Variants in RBMS3 observed in about 807,000 individuals in gnomAD.
RBMS3 encodes RNA binding motif single stranded interacting protein 3, also known as RNA-binding motif, single-stranded-interacting protein 3.
RBMS3 carries 27 observed loss-of-function variants against 66.8 expected under a neutral mutation model. The ratio of observed to expected loss-of-function variants is 0.40; its 90% CI spans 0.30 to 0.56. The LOEUF is 0.56. RBMS3 is among the 20% of genes least tolerant of loss of function. The pLI is 0.40. For missense variants in RBMS3, 513 were observed against 549.5 expected, an observed-to-expected ratio of 0.93 and a Z score of 0.66; for synonymous variants, 188 against 183.0, an observed-to-expected ratio of 1.03 and a Z score of -0.22.
intron 4 of RBMS3, among the ~76,000 whole-genome samples, chr3:29,601,616 G>C (rs911483226): frequency 1.3e-5 from 2 of 151,902 alleles, no homozygotes; most frequent in Non-Finnish European, 2.9e-5. Flanking sequence ...TAATCCTCGA[G>C]TATTAAAAAA....
intron 1 of RBMS3, among the ~76,000 whole-genome samples, chr3:29,390,138 T>G: frequency 6.6e-6 from 1 of 152,216 alleles, no homozygotes; most frequent in East Asian, 1.9e-4. Flanking sequence ...ATGGCTGTTA[T>G]CAAATTCCAT....
At chr3:29,959,427 G>A in intron 12 of RBMS3, among the ~76,000 whole-genome samples, 1 of 152,130 alleles carries the variant, frequency 6.6e-6, no homozygotes, top group East Asian at 1.9e-4. Flanking sequence ...AAAGGGTTGG[G>A]CAGGGGGTGA....
intron 3 of RBMS3, among the ~76,000 whole-genome samples, chr3:29,527,192 A>T (rs1486170813): frequency 1.3e-5 from 2 of 149,416 alleles, no homozygotes; most frequent in African/African-American, 2.5e-5. Flanking sequence ...AAAAAAAAAA[A>T]AAAAAAAAAA....
At chr3:29,286,282 T>A (rs1056608162) in intron 1 of RBMS3, among the ~76,000 whole-genome samples, 3 of 152,070 alleles carry the variant, frequency 2.0e-5, no homozygotes, top group Admixed American at 6.6e-5. Context: ...GGGGCCATCC[T>A]TGTTTCTTAG....
intron 4 of RBMS3, among the ~76,000 whole-genome samples, chr3:29,713,452 G>A (rs57610505): frequency 0.028 from 4,309 of 152,148 alleles, 88 homozygotes; most frequent in Admixed American, 0.064. Context: ...ATTTCTTCCT[G>A]GTTCTGTGAG....
At chr3:29,582,508 A>G (rs1166616302) in intron 3 of RBMS3, among the ~76,000 whole-genome samples, 1 of 152,158 alleles carries the variant, frequency 6.6e-6, no homozygotes, top group East Asian at 1.9e-4. Flanking sequence ...TGCCAAGCTT[A>G]ATTATGTAAT....
chr3:29,406,299 G>A (rs1291181781), intron 1 of RBMS3, among the ~76,000 whole-genome samples: 1 of 152,202 alleles, frequency 6.6e-6, no homozygotes, highest in Non-Finnish European at 1.5e-5. Context: ...AGTGCCAACA[G>A]TGTGAAAGAA....
intron 14 of RBMS3, 80 bp from the exon 15 acceptor site, chr3:30,003,776 G>C: frequency 1.0e-6 from 1 of 1,003,610 alleles, no homozygotes; most frequent in South Asian, 3.4e-5. Flanking sequence ...TTTTAAAGCT[G>C]CCTCATTGGA....
At chr3:29,701,990 C>G (rs2052619457) in intron 4 of RBMS3, among the ~76,000 whole-genome samples, 1 of 152,242 alleles carries the variant, frequency 6.6e-6, no homozygotes, top group South Asian at 2.1e-4. Flanking sequence ...CTAAGGAAAG[C>G]CAGCTGGGTT....
chr3:29,928,180 T>TTTTATATA (rs1553701693), intron 10 of RBMS3, among the ~76,000 whole-genome samples: 2 of 102,588 alleles, frequency 1.9e-5, no homozygotes, highest in African/African-American at 8.1e-5. Flanking sequence ...TCTTCAAATT[T>TTTTATATA]TATATATATA....
intron 3 of RBMS3, among the ~76,000 whole-genome samples, chr3:29,503,191 G>T (rs144997351): frequency 1.2e-4 from 18 of 152,100 alleles, no homozygotes; most frequent in Non-Finnish European, 2.2e-4. Flanking sequence ...ATTCATCCAG[G>T]CACCAATTCT....
At chr3:29,923,471 A>G (rs889539643) in intron 10 of RBMS3, among the ~76,000 whole-genome samples, 3 of 152,208 alleles carry the variant, frequency 2.0e-5, no homozygotes, top group Non-Finnish European at 4.4e-5. Flanking sequence ...AGATGGCTTC[A>G]GGCTTGCTCT....
intron 11 of RBMS3, among the ~76,000 whole-genome samples, chr3:29,939,218 T>G (rs1248022857): frequency 6.6e-6 from 1 of 151,962 alleles, no homozygotes; most frequent in African/African-American, 2.4e-5. Context: ...ATGAAGTGGA[T>G]CAAGTTCAAA....
chr3:29,994,087 C>T lies in RBMS3; in HGVS notation c.1307+2878C>T, dbSNP rs576739012. Among the ~76,000 whole-genome samples, 402 of 152,236 alleles carry T rather than the reference C, an allele frequency of 2.6e-3. 8 individuals are homozygous for T. The highest frequency in any genetic ancestry group is 0.024 in the Admixed American group (365 of 15,296). The stretch of plus-strand genomic sequence containing the variant: ...GTGGGTGCATGCACCGTGCGCAAGC[C>T]GAAGCAGGGCGAGGCATTGCCTCAC... On this transcript the variant is annotated intron_variant, in intron 14 of 14. Coordinates refer to ENST00000383767, the MANE Select transcript of RBMS3 (RefSeq NM_001003793.3).
intron 14 of RBMS3, among the ~76,000 whole-genome samples, chr3:29,997,289 C>G (rs1459761356): frequency 6.6e-6 from 1 of 151,554 alleles, no homozygotes; most frequent in East Asian, 1.9e-4. Context: ...GCTTACCAAC[C>G]AAAAAGAGTC....
intron 4 of RBMS3, among the ~76,000 whole-genome samples, chr3:29,614,107 T>C (rs538821084): frequency 6.6e-6 from 1 of 151,914 alleles, no homozygotes; most frequent in East Asian, 1.9e-4. Flanking sequence ...ATAAAGAAAA[T>C]GCAGTGTATA....
At chr3:29,673,163 A>G (rs2051080458) in intron 4 of RBMS3, among the ~76,000 whole-genome samples, 1 of 152,202 alleles carries the variant, frequency 6.6e-6, no homozygotes, top group Non-Finnish European at 1.5e-5. Flanking sequence ...TAAATAACGA[A>G]ATGAAGGCAG....
At chr3:29,661,866 C>T (rs984448418) in intron 4 of RBMS3, among the ~76,000 whole-genome samples, 2 of 152,094 alleles carry the variant, frequency 1.3e-5, no homozygotes, top group African/African-American at 4.8e-5. Flanking sequence ...ATGATGCCCC[C>T]AACTTAGTGA....
intron 3 of RBMS3, among the ~76,000 whole-genome samples, chr3:29,503,390 G>A (rs2044052283): frequency 6.6e-6 from 1 of 151,856 alleles, no homozygotes; most frequent in Non-Finnish European, 1.5e-5. Context: ...AAGCATCTGT[G>A]CTCAGTTTTT....
Sources: allele counts gnomAD v4.1 joint callset (sites outside exome capture counted in the v4.1 genomes callset), GRCh38; gene constraint gnomAD v4.1.1; transcripts MANE v1.5; gene names NCBI Gene and HGNC (gene_info 2026-07-23, HGNC 2026-07-21).